Variants in CLSTN2 observed in about 807,000 individuals in gnomAD.
CLSTN2 encodes calsyntenin-2.
In CLSTN2, 48 loss-of-function variants were observed where a neutral mutation model predicts 101.2. The ratio of observed to expected loss-of-function variants is 0.47; its 90% CI spans 0.38 to 0.60. CLSTN2 has a LOEUF of 0.60. CLSTN2 is among the 20% of genes least tolerant of loss of function. The probability of loss-of-function intolerance (pLI) is 0.00; values close to 1 mark genes in which losing one functional copy is unlikely to be tolerated. For missense variants in CLSTN2, 1,160 were observed against 1,238.2 expected (o/e 0.94, Z 0.95); for synonymous variants, 481 against 463.6 (o/e 1.04, Z -0.48).
At chr3:140,424,608 C>T (rs2088543851) in intron 5 of CLSTN2, among the ~76,000 whole-genome samples, 1 of 152,070 alleles carries the variant, frequency 6.6e-6, no homozygotes, top group African/African-American at 2.4e-5. Flanking sequence ...GTAGAGCAAA[C>T]TGGAACGAAC....
chr3:140,105,468 C>T (rs189498919), intron 1 of CLSTN2, among the ~76,000 whole-genome samples: 2 of 152,338 alleles, frequency 1.3e-5, no homozygotes, highest in Admixed American at 1.3e-4. Context: ...TTCCCTCTCT[C>T]CCAAGCTTCT....
In CLSTN2 at chr3:140,489,773, C is replaced by G. The variant is rs74954936; in HGVS notation, c.1344+23042C>G. The stretch of plus-strand genomic sequence containing the variant: ...ATTTTACACATCTTCACCTCAGTGT[C>G]TCATTACCCATTACTCAGATGTGAG... On this transcript the variant is annotated intron_variant, in intron 8 of 16. Transcript: ENST00000458420. 1.8e-4 allele frequency among the ~76,000 whole-genome samples: 27 copies of G among 151,826 alleles called. No homozygotes were observed. The East Asian group carries it at 5.1e-3, about 28-fold the overall frequency.
chr3:140,011,459 C>T (rs2007071949), intron 1 of CLSTN2, among the ~76,000 whole-genome samples: 1 of 152,192 alleles, frequency 6.6e-6, no homozygotes, highest in African/African-American at 2.4e-5. Context: ...GACCATCCTG[C>T]CCACTATGTG....
At chr3:140,431,614 C>T (rs930626612) in intron 5 of CLSTN2, among the ~76,000 whole-genome samples, 2 of 152,156 alleles carry the variant, frequency 1.3e-5, no homozygotes, top group African/African-American at 4.8e-5. Flanking sequence ...CTTGCCTCTC[C>T]TTCCCCTTCA....
At chr3:140,257,299 T>G (rs1044623151) in intron 2 of CLSTN2, among the ~76,000 whole-genome samples, 1 of 151,910 alleles carries the variant, frequency 6.6e-6, no homozygotes, top group African/African-American at 2.4e-5. Flanking sequence ...AGTATTTAGG[T>G]GAAAAGTGGA....
At chr3:140,551,261 A>G (rs1355564005) in intron 10 of CLSTN2, among the ~76,000 whole-genome samples, 1 of 152,044 alleles carries the variant, frequency 6.6e-6, no homozygotes, top group East Asian at 1.9e-4. Context: ...GCTGGTCGAG[A>G]GAATTGAGGC....
chr3:139,994,566 C>T (rs944665037), intron 1 of CLSTN2, among the ~76,000 whole-genome samples: 3 of 152,190 alleles, frequency 2.0e-5, no homozygotes, highest in African/African-American at 4.8e-5. Context: ...TACTACTCTG[C>T]CCTCACTGAG....
At chr3:140,089,954 A>G (rs2008747328) in intron 1 of CLSTN2, among the ~76,000 whole-genome samples, 1 of 119,238 alleles carries the variant, frequency 8.4e-6, no homozygotes, top group African/African-American at 3.0e-5. Flanking sequence ...CTCCTGGCTG[A>G]TTTCAGCTAG....
chr3:140,214,897 A>G (rs967545167), intron 2 of CLSTN2, among the ~76,000 whole-genome samples: 22 of 152,256 alleles, frequency 1.4e-4, no homozygotes, highest in African/African-American at 5.3e-4. Flanking sequence ...TTTATACAAC[A>G]TAATAAATTT....
intron 4 of CLSTN2, among the ~76,000 whole-genome samples, chr3:140,418,983 C>T (rs1161625862): frequency 6.6e-6 from 1 of 151,802 alleles, no homozygotes; most frequent in Non-Finnish European, 1.5e-5. Context: ...TGCTCATGGC[C>T]TGGGTACCAA....
intron 1 of CLSTN2, among the ~76,000 whole-genome samples, chr3:140,035,994 C>T (rs1248742232): frequency 6.6e-6 from 1 of 152,232 alleles, no homozygotes; most frequent in East Asian, 1.9e-4. Context: ...CCAGGGCTCC[C>T]TGTCATGAGC....
chr3:140,417,249 T>G (rs1035897868), intron 4 of CLSTN2, among the ~76,000 whole-genome samples: 3 of 152,340 alleles, frequency 2.0e-5, no homozygotes. Context: ...CTTTTACTAC[T>G]GAACAACAAT....
intron 1 of CLSTN2, among the ~76,000 whole-genome samples, chr3:139,939,015 A>G (rs1208617776): frequency 6.6e-6 from 1 of 151,996 alleles, no homozygotes; most frequent in East Asian, 1.9e-4. Context: ...TGGAGAGACA[A>G]GATTTTTATG....
At chr3:140,205,116 T>A (rs987034849) in intron 2 of CLSTN2, among the ~76,000 whole-genome samples, 4 of 152,202 alleles carry the variant, frequency 2.6e-5, no homozygotes, top group Non-Finnish European at 5.9e-5. Context: ...GACCTATTAT[T>A]TGAATCTTCA....
chr3:140,331,215 G>A (rs1576518650), intron 2 of CLSTN2, among the ~76,000 whole-genome samples: 2 of 152,138 alleles, frequency 1.3e-5, no homozygotes, highest in African/African-American at 4.8e-5. Flanking sequence ...AGAAGGACAG[G>A]AAGCAAGCAT....
At chr3:140,421,519 C>T in intron 5 of CLSTN2, among the ~76,000 whole-genome samples, 1 of 152,048 alleles carries the variant, frequency 6.6e-6, no homozygotes, top group East Asian at 1.9e-4. Flanking sequence ...TCCCTTTCTC[C>T]AATCTCATGA....
chr3:140,562,519 G>T (rs895141299), intron 13 of CLSTN2, among the ~76,000 whole-genome samples: 8 of 152,146 alleles, frequency 5.3e-5, no homozygotes, highest in Non-Finnish European at 1.0e-4. Context: ...CCACTCCTGG[G>T]GAGTTCTTTT....
chr3:140,508,459 T>C (rs757440018), intron 8 of CLSTN2: 2 of 152,208 alleles, frequency 1.3e-5, no homozygotes, highest in Non-Finnish European at 2.9e-5. Flanking sequence ...TCATATCCCT[T>C]ATACTTACCT....
intron 1 of CLSTN2, among the ~76,000 whole-genome samples, chr3:139,983,956 C>T: frequency 6.6e-6 from 1 of 152,128 alleles, no homozygotes; most frequent in East Asian, 1.9e-4. Flanking sequence ...TTTGATTCAA[C>T]CTCCCCAAAT....
Sources: gnomAD v4.1 joint callset for allele counts (sites outside exome capture counted in the v4.1 genomes callset) on GRCh38, gnomAD v4.1.1 for gene constraint, MANE v1.5 for transcripts, NCBI Gene and HGNC (gene_info 2026-07-23, HGNC 2026-07-21) for gene names.